The following LCA5 variants were observed in gnomAD, a reference collection of about 807,000 sequenced individuals.
LCA5 encodes lebercilin.
Under a neutral mutation model 53.0 loss-of-function variants are expected in LCA5, and 37 were observed. The observed-to-expected ratio is 0.70, with a 90% CI of 0.54 to 0.92. The LOEUF (loss-of-function observed/expected upper bound fraction) is 0.92. Among genes scored for constraint, LCA5 ranks in the 40% least tolerant of loss-of-function variants. The probability of loss-of-function intolerance (pLI) is 0.00; values close to 1 mark genes in which losing one functional copy is unlikely to be tolerated. For synonymous variants in LCA5, 303 were observed against 282.9 expected, an observed-to-expected ratio of 1.07 and a Z score of -0.71; for missense variants, 806 against 790.5, an observed-to-expected ratio of 1.02 and a Z score of -0.23.
intron 1 of LCA5, among the ~76,000 whole-genome samples, chr6:79,536,236 A>G (rs1215920492): frequency 6.6e-6 from 1 of 152,230 alleles, no homozygotes; most frequent in Non-Finnish European, 1.5e-5. Context: ...TAAAATAACC[A>G]TGCAAAAGAA....
intron 4 of LCA5, among the ~76,000 whole-genome samples, chr6:79,493,085 A>G (rs1769886788): frequency 6.6e-6 from 1 of 152,142 alleles, no homozygotes; most frequent in Admixed American, 6.5e-5. Context: ...AAAAGAAAAC[A>G]TAAGATAATA....
rs183661901 is a variant in LCA5 at position 79,495,469 on chromosome 6, G to A, written c.721-1719C>T. On this transcript the variant is annotated intron_variant, in intron 3 of 7. Coordinates refer to ENST00000369846, the MANE Select transcript of LCA5 (RefSeq NM_001122769.3). Reference sequence around the variant, plus strand: ...GTGGAACCTGAGTATATAAAAAGTCGGGCCAGGCGCGGTGGCTCATGTCTG... The same window carrying A: ...GTGGAACCTGAGTATATAAAAAGTCAGGCCAGGCGCGGTGGCTCATGTCTG... Among the ~76,000 whole-genome samples, 58 of 152,014 alleles carry A rather than the reference G, an allele frequency of 3.8e-4. No homozygotes were observed. In the South Asian group the frequency reaches 4.0e-3, roughly 10 times the overall value.
intron 1 of LCA5, among the ~76,000 whole-genome samples, chr6:79,534,065 CACTGTA>C (rs199703231): frequency 0.022 from 3,253 of 147,818 alleles, 56 homozygotes; most frequent in Middle Eastern, 0.035. Context: ...GGAGCAGTTA[CACTGTA>C]ACTGCTCCTC....
chr6:79,497,656 C>T (rs1770017861), intron 3 of LCA5, among the ~76,000 whole-genome samples: 2 of 152,022 alleles, frequency 1.3e-5, no homozygotes, highest in Admixed American at 1.3e-4. Context: ...TAGACTGGGT[C>T]CCACTGGAGA....
intron 3 of LCA5, among the ~76,000 whole-genome samples, chr6:79,504,800 G>A (rs200122557): frequency 1.4e-4 from 22 of 152,044 alleles, no homozygotes; most frequent in South Asian, 4.1e-4. Flanking sequence ...GATTTTTTTC[G>A]TGTGTGTGCA....
chr6:79,511,979 A>G (rs1770419695), intron 3 of LCA5, among the ~76,000 whole-genome samples: 1 of 152,068 alleles, frequency 6.6e-6, no homozygotes, highest in Non-Finnish European at 1.5e-5. Flanking sequence ...ATAGTTGTAT[A>G]TGTGTGTGTA....
intron 3 of LCA5, among the ~76,000 whole-genome samples, chr6:79,510,503 G>A (rs1404020265): frequency 3.3e-5 from 5 of 151,998 alleles, no homozygotes; most frequent in Admixed American, 2.0e-4. Context: ...AAAGTCTTTG[G>A]GACAAACAGG....
At chr6:79,506,287 T>C (rs1455077806) in intron 3 of LCA5, among the ~76,000 whole-genome samples, 1 of 152,210 alleles carries the variant, frequency 6.6e-6, no homozygotes, top group Non-Finnish European at 1.5e-5. Flanking sequence ...GTACTAAATG[T>C]GTACCCTACA....
chr6:79,512,623 T>C (rs1489221641), intron 3 of LCA5, among the ~76,000 whole-genome samples: 1 of 151,730 alleles, frequency 6.6e-6, no homozygotes, highest in Non-Finnish European at 1.5e-5. Flanking sequence ...GTTTGATACA[T>C]ATATATATAG....
upstream of LCA5, among the ~76,000 whole-genome samples, chr6:79,538,590 A>C (rs1767226519): frequency 6.6e-6 from 1 of 152,226 alleles, no homozygotes; most frequent in Non-Finnish European, 1.5e-5. Context: ...CTCTGCTGAC[A>C]CTGTTAAAAT....
At chr6:79,489,994 C>T (rs916545121) in intron 6 of LCA5, among the ~76,000 whole-genome samples, 1 of 152,016 alleles carries the variant, frequency 6.6e-6, no homozygotes, top group Non-Finnish European at 1.5e-5. Context: ...TGCCCTTTCC[C>T]ACAGGGGTGG....
At chr6:79,500,429 A>T (rs1024738777) in intron 3 of LCA5, among the ~76,000 whole-genome samples, 52 of 152,338 alleles carry the variant, frequency 3.4e-4, no homozygotes, top group African/African-American at 1.1e-3. Flanking sequence ...TTAGTAAAGG[A>T]TTATAGATTT....
In LCA5 at chr6:79,487,259, AC is replaced by A. The variant is rs774164797; in HGVS notation, c.1838del (p.Gly613ValfsTer25). ...NLMEQLFGAS[G>X]SSTISSKSSD... is the part of the protein sequence containing the mutation. ...TGCTTTTGGAGGAAATGGTGCTGCT[AC>A]CACTGGCACCAAATAACTGTTCCAT... On this transcript the variant is annotated frameshift_variant, in exon 8 of 8. Transcript: ENST00000369846. LOFTEE classifies it high-confidence loss of function. 1 of 1,614,098 alleles carries A rather than the reference AC, an allele frequency of 6.2e-7. No individual in the cohort carries two copies. Among genetic ancestry groups the A allele is most frequent in the East Asian group, 2.2e-5 (1 of 44,882 alleles).
In LCA5 at chr6:79,513,734, C is replaced by T; in HGVS notation, c.198G>A (p.Arg66=). 1 of 1,613,392 alleles carries T rather than the reference C, an allele frequency of 6.2e-7. No individual in the cohort carries two copies. The highest frequency in any genetic ancestry group is 8.5e-7 in the Non-Finnish European group (1 of 1,179,590). The change falls in exon 3 of 8, where the codon CGG becomes CGA. Residue 66 remains arginine, a synonymous_variant. Coordinates refer to ENST00000369846, the MANE Select transcript of LCA5 (RefSeq NM_001122769.3). ...SDGQVHHQAP[R]KPSPKGLPNR... is the part of the protein sequence containing the mutation. ...TTGGTAGACCCTTAGGGCTTGGTTTCCGAGGGGCTAAAAAAGAAACAGGAA... is the reference window on the plus strand; with the variant it reads ...TTGGTAGACCCTTAGGGCTTGGTTTTCGAGGGGCTAAAAAAGAAACAGGAA...
At chr6:79,525,054 AT>A (rs1394719923) in intron 1 of LCA5, 3 of 151,938 alleles carry the variant, frequency 2.0e-5, no homozygotes. Flanking sequence ...TGTTGTTCCG[AT>A]TTTTAAAATA....
rs144049244 is a variant in LCA5 at position 79,507,727 on chromosome 6, C to T, written c.720+5485G>A. Among the ~76,000 whole-genome samples the T allele has an allele frequency of 2.6e-5, 4 of 152,242 alleles. No homozygotes were observed. In the East Asian group the frequency reaches 7.8e-4, roughly 30 times the overall value. On this transcript the variant is annotated intron_variant, in intron 3 of 7. Coordinates refer to ENST00000369846, the MANE Select transcript of LCA5 (RefSeq NM_001122769.3). ...AGTCCCTGGCCTGTCCCGTGGAATG[C>T]TGGCCATACAGGGAGTCCAGACTCT... is the stretch of plus-strand genomic sequence containing the variant.
rs187146654 is a variant in LCA5 at position 79,503,110 on chromosome 6, G to A, written c.721-9360C>T. Among the ~76,000 whole-genome samples, 9 of 152,222 alleles carry A rather than the reference G, an allele frequency of 5.9e-5. No homozygotes were observed. In the East Asian group the frequency reaches 1.7e-3, roughly 29 times the overall value. On this transcript the variant is annotated intron_variant, in intron 3 of 7. Coordinates refer to ENST00000369846, the MANE Select transcript of LCA5 (RefSeq NM_001122769.3). ...TTGGCTAGGCTGGTCTTGAACTCCT[G>A]AGCTCAACTGATCCATCTGCCTTGG... is the stretch of plus-strand genomic sequence containing the variant.
chr6:79,492,457 G>A, intron 5 of LCA5, 94 bp downstream of exon 5: 2 of 574,052 alleles, frequency 3.5e-6, no homozygotes, highest in Non-Finnish European at 6.3e-6. Context: ...ATATTTCAAT[G>A]AGGTTCTTTT....
chr6:79,502,366 T>C (rs1770164431), intron 3 of LCA5, among the ~76,000 whole-genome samples: 1 of 152,202 alleles, frequency 6.6e-6, no homozygotes, highest in Non-Finnish European at 1.5e-5. Context: ...CTCTGTGCAT[T>C]ACGAGTCTGC....
Sources: gnomAD v4.1 joint callset for allele counts (sites outside exome capture counted in the v4.1 genomes callset) on GRCh38, gnomAD v4.1.1 for gene constraint, MANE v1.5 for transcripts, NCBI Gene and HGNC (gene_info 2026-07-23, HGNC 2026-07-21) for gene names.